SLC39A11: variants seen among roughly 807,000 people sequenced by gnomAD.
The protein encoded by SLC39A11 is solute carrier family 39 member 11, also known as zinc transporter ZIP11.
Under a neutral mutation model 36.1 loss-of-function variants are expected in SLC39A11, and 33 were observed. The observed-to-expected ratio is 0.91, with a 90% CI of 0.69 to 1.22. The LOEUF is 1.22. SLC39A11 is among the 50% of genes most tolerant of loss of function. SLC39A11 has a pLI of 0.00. For missense variants in SLC39A11, 432 were observed against 430.3 expected (o/e 1.00, Z -0.03); for synonymous variants, 166 against 170.3 (o/e 0.97, Z 0.20).
intron 4 of SLC39A11, among the ~76,000 whole-genome samples, chr17:73,023,858 G>A (rs953869813): frequency 1.3e-5 from 2 of 152,112 alleles, no homozygotes; most frequent in Admixed American, 1.3e-4. Flanking sequence ...AGGAAAGCTG[G>A]GCACGTAAAG....
chr17:72,722,047 C>T (rs555462324), intron 7 of SLC39A11, among the ~76,000 whole-genome samples: 162 of 146,768 alleles, frequency 1.1e-3, no homozygotes, highest in Non-Finnish European at 1.7e-3. Flanking sequence ...ATTATTCTGT[C>T]CCAGGGCCCC....
At chr17:72,745,274 G>A (rs572838977) in intron 6 of SLC39A11, among the ~76,000 whole-genome samples, 47 of 152,354 alleles carry the variant, frequency 3.1e-4, no homozygotes, top group African/African-American at 1.0e-3. Flanking sequence ...GGCAGAGCCC[G>A]CTGCTGGGGC....
At chr17:72,953,009 C>A (rs772192565) in intron 4 of SLC39A11, among the ~76,000 whole-genome samples, 34 of 152,128 alleles carry the variant, frequency 2.2e-4, no homozygotes. Flanking sequence ...TGCAAGGTCA[C>A]CCCCTCTCCT....
At chr17:73,047,032 T>A (rs1021272578) in intron 3 of SLC39A11, among the ~76,000 whole-genome samples, 15 of 149,734 alleles carry the variant, frequency 1.0e-4, no homozygotes, top group Middle Eastern at 3.4e-3. Context: ...TATTTATTTT[T>A]TTTTTTTTTT....
At chr17:72,943,032 T>C (rs1050034155) in intron 5 of SLC39A11, among the ~76,000 whole-genome samples, 2 of 152,144 alleles carry the variant, frequency 1.3e-5, no homozygotes, top group African/African-American at 4.8e-5. Context: ...TAAGGGAGGA[T>C]GTTTAACAGG....
chr17:72,892,111 G>T (rs1314592022), intron 5 of SLC39A11, among the ~76,000 whole-genome samples: 1 of 152,068 alleles, frequency 6.6e-6, no homozygotes, highest in Non-Finnish European at 1.5e-5. Flanking sequence ...ATAATTTCTT[G>T]TCTAATTATA....
chr17:72,740,174 T>C (rs2074623326), intron 6 of SLC39A11, among the ~76,000 whole-genome samples: 1 of 147,938 alleles, frequency 6.8e-6, no homozygotes, highest in African/African-American at 2.5e-5. Flanking sequence ...ACCATTCTCC[T>C]GCCTCAGCCT....
At chr17:72,914,531 G>A (rs1047547960) in intron 5 of SLC39A11, among the ~76,000 whole-genome samples, 2 of 152,042 alleles carry the variant, frequency 1.3e-5, no homozygotes, top group African/African-American at 2.4e-5. Flanking sequence ...TGCAGATTTC[G>A]GTATCCACAG....
At chr17:72,823,444 A>T (rs1430421405) in intron 6 of SLC39A11, among the ~76,000 whole-genome samples, 2 of 151,236 alleles carry the variant, frequency 1.3e-5, no homozygotes, top group Non-Finnish European at 3.0e-5. Context: ...AGCCAGGCAC[A>T]AACCCTGCAG....
At chr17:72,876,973 C>G (rs1385837531) in intron 5 of SLC39A11, among the ~76,000 whole-genome samples, 1 of 152,234 alleles carries the variant, frequency 6.6e-6, no homozygotes, top group Non-Finnish European at 1.5e-5. Context: ...AATAAGCTCC[C>G]AGGCCCTAGC....
chr17:72,719,360 T>C (rs2143539570), intron 7 of SLC39A11, among the ~76,000 whole-genome samples: 1 of 152,304 alleles, frequency 6.6e-6, no homozygotes, highest in East Asian at 1.9e-4. Flanking sequence ...GACTGAGCAA[T>C]GCATGTAAGC....
At chr17:72,989,258 C>T (rs1343123527) in intron 4 of SLC39A11, among the ~76,000 whole-genome samples, 1 of 152,202 alleles carries the variant, frequency 6.6e-6, no homozygotes, top group Non-Finnish European at 1.5e-5. Flanking sequence ...AGGCTGCAGT[C>T]CCACAGCACA....
intron 6 of SLC39A11, among the ~76,000 whole-genome samples, chr17:72,838,427 G>T (rs919656532): frequency 6.6e-6 from 1 of 151,932 alleles, no homozygotes; most frequent in Non-Finnish European, 1.5e-5. Context: ...TGGGGGTCTC[G>T]TCATGTTGCC....
intron 7 of SLC39A11, among the ~76,000 whole-genome samples, chr17:72,716,996 C>G (rs372685835): frequency 9.1e-6 from 1 of 109,726 alleles, no homozygotes; most frequent in Non-Finnish European, 1.8e-5. Context: ...TATATATACA[C>G]ACACACACAC....
chr17:72,688,480 GC>G (rs1344828839), intron 7 of SLC39A11, among the ~76,000 whole-genome samples: 2 of 152,232 alleles, frequency 1.3e-5, no homozygotes, highest in Non-Finnish European at 2.9e-5. Flanking sequence ...GCCTTCAGCT[GC>G]CCTCCACTGG....
At chr17:72,775,872 G>A (rs1004436407) in intron 6 of SLC39A11, among the ~76,000 whole-genome samples, 2 of 152,214 alleles carry the variant, frequency 1.3e-5, no homozygotes, top group Non-Finnish European at 2.9e-5. Flanking sequence ...GGCCCCGGCC[G>A]GCTTCGTATC....
At chr17:72,736,000 G>T (rs2074412828) in intron 7 of SLC39A11, among the ~76,000 whole-genome samples, 1 of 152,200 alleles carries the variant, frequency 6.6e-6, no homozygotes. Context: ...CTGGAGGAGG[G>T]GCAGGTTCTA....
chr17:72,649,870 G>A (rs2069771668), intron 7 of SLC39A11, among the ~76,000 whole-genome samples: 1 of 151,670 alleles, frequency 6.6e-6, no homozygotes, highest in Admixed American at 6.6e-5. Context: ...TGGGATTATG[G>A]GCGTGAGCCA....
intron 5 of SLC39A11, among the ~76,000 whole-genome samples, chr17:72,886,857 C>T (rs747312158): frequency 6.6e-6 from 1 of 152,146 alleles, no homozygotes; most frequent in Non-Finnish European, 1.5e-5. Flanking sequence ...GACTGGAGTG[C>T]TCCCTCCTAG....
Sources: gnomAD v4.1 joint callset for allele counts (sites outside exome capture counted in the v4.1 genomes callset) on GRCh38, gnomAD v4.1.1 for gene constraint, MANE v1.5 for transcripts, NCBI Gene and HGNC (gene_info 2026-07-23, HGNC 2026-07-21) for gene names.